The following GLYATL1 variants were observed in gnomAD, a reference collection of about 807,000 sequenced individuals.
The protein encoded by GLYATL1 is glycine-N-acyltransferase like 1.
Under a neutral mutation model 20.0 loss-of-function variants are expected in GLYATL1, and 15 were observed. The observed-to-expected ratio is 0.75, with a 90% CI of 0.50 to 1.15. The LOEUF (loss-of-function observed/expected upper bound fraction) is 1.15. Ranked by LOEUF, GLYATL1 falls within the 50% of genes most tolerant of loss-of-function variation. GLYATL1 has a pLI of 0.00. For missense variants in GLYATL1, 380 were observed against 368.5 expected (o/e 1.03, Z -0.26); for synonymous variants, 151 against 131.5 (o/e 1.15, Z -1.01).
intron 1 of GLYATL1, among the ~76,000 whole-genome samples, chr11:58,942,231 C>A (rs944762583): frequency 6.6e-5 from 10 of 152,200 alleles, no homozygotes; most frequent in Admixed American, 2.6e-4. Flanking sequence ...GAACTGCAAG[C>A]AAACCTGTCT....
At chr11:58,908,492 A>G (rs1854963673) in exon 2 of GLYATL1, 1 of 210,338 alleles carries the variant, frequency 4.8e-6, no homozygotes, top group Non-Finnish European at 1.1e-5. Context: ...ACTGAAGGGA[A>G]CAAGTCATTT....
At chr11:58,934,120 T>C (rs1425525498) in intron 1 of GLYATL1, 1 of 153,190 alleles carries the variant, frequency 6.5e-6, no homozygotes, top group Non-Finnish European at 1.5e-5. Context: ...CTGAGTCTGC[T>C]GGGATAAGCC....
chr11:58,947,917 G>T lies in GLYATL1; in HGVS notation c.138G>T (p.Val46=). The change falls in exon 4 of 7, where the codon GTG becomes GTT. Residue 46 remains valine (V), a synonymous_variant. Coordinates refer to ENST00000532726, the MANE Select transcript of GLYATL1 (RefSeq NM_001389712.2). ...ACCCCTTCAACATGGAGGTGCTGGTGGATTCCTGGCCTGAATATCAGATGG... is the reference window on the plus strand; with the variant it reads ...ACCCCTTCAACATGGAGGTGCTGGTTGATTCCTGGCCTGAATATCAGATGG... The part of the protein sequence containing the change: ...HGNPFNMEVL[V]DSWPEYQMVI... 1 of 1,614,046 alleles carries T rather than the reference G, an allele frequency of 6.2e-7. No individual in the cohort carries two copies.
intron 3 of GLYATL1, 50 bp downstream of exon 3, chr11:58,947,215 G>T: frequency 6.3e-7 from 1 of 1,584,418 alleles, no homozygotes; most frequent in Non-Finnish European, 8.6e-7. Context: ...TGTTGAGGAT[G>T]AGAAAATAGC....
At chr11:58,914,679 A>T (rs1428940762) in intron 1 of GLYATL1, among the ~76,000 whole-genome samples, 1 of 152,036 alleles carries the variant, frequency 6.6e-6, no homozygotes, top group South Asian at 2.1e-4. Context: ...GATAGGATTA[A>T]CTCCCTTGAA....
At chr11:58,917,664 C>G (rs140720067) in intron 1 of GLYATL1, among the ~76,000 whole-genome samples, 2 of 152,204 alleles carry the variant, frequency 1.3e-5, no homozygotes, top group South Asian at 2.1e-4. Context: ...CCTGCCTACT[C>G]AGGCATCTCA....
intron 2 of GLYATL1, among the ~76,000 whole-genome samples, chr11:58,945,296 G>T (rs1296553231): frequency 4.6e-5 from 7 of 152,096 alleles, no homozygotes; most frequent in African/African-American, 1.2e-4. Context: ...GCAGCTTCCT[G>T]ATTTAGAAAA....
intron 2 of GLYATL1, among the ~76,000 whole-genome samples, chr11:58,946,617 TC>T (rs1434541744): frequency 1.3e-5 from 2 of 152,234 alleles, no homozygotes; most frequent in African/African-American, 4.8e-5. Context: ...CTATGCCTAC[TC>T]CTGCTCCAAG....
chr11:58,955,060 CTG>C, intron 5 of GLYATL1, 114 bp from the exon 6 acceptor site: 1 of 1,228,438 alleles, frequency 8.1e-7, no homozygotes, highest in South Asian at 1.5e-5. Context: ...CTCCATCTGA[CTG>C]TGGTGTAAAC....
At chr11:58,922,905 CCTAT>C (rs1486844472), upstream of GLYATL1, among the ~76,000 whole-genome samples, 1 of 152,156 alleles carries the variant, frequency 6.6e-6, no homozygotes, top group Non-Finnish European at 1.5e-5. Flanking sequence ...CAATTGTTTC[CCTAT>C]CTATAGTGCC....
intron 1 of GLYATL1, among the ~76,000 whole-genome samples, chr11:58,920,611 G>A (rs1218641512): frequency 2.0e-5 from 3 of 152,148 alleles, no homozygotes; most frequent in Non-Finnish European, 4.4e-5. Context: ...ATCCACACAG[G>A]ACTAAAGGGG....
chr11:58,912,453 C>A (rs149215816), downstream of GLYATL1, among the ~76,000 whole-genome samples: 1 of 152,156 alleles, frequency 6.6e-6, no homozygotes, highest in African/African-American at 2.4e-5. Flanking sequence ...CCCTTGCTTC[C>A]TCCACACTCC....
intron 4 of GLYATL1, among the ~76,000 whole-genome samples, chr11:58,949,949 C>T (rs952083212): frequency 4.3e-5 from 3 of 69,708 alleles, no homozygotes; most frequent in Non-Finnish European, 1.2e-4. Context: ...TAACCTCTTA[C>T]CTCCCCTCCC....
At chr11:58,924,162 T>G (rs1855370713), upstream of GLYATL1, among the ~76,000 whole-genome samples, 1 of 152,220 alleles carries the variant, frequency 6.6e-6, no homozygotes, top group Non-Finnish European at 1.5e-5. Context: ...GGCATTTATT[T>G]TGTATAGAAT....
chr11:58,917,849 G>A (rs968086841), intron 1 of GLYATL1, among the ~76,000 whole-genome samples: 5 of 152,188 alleles, frequency 3.3e-5, no homozygotes, highest in African/African-American at 1.2e-4. Flanking sequence ...TTTCAGTCCT[G>A]GCTTCTTAGA....
At chr11:58,919,307 C>A (rs505113) in intron 1 of GLYATL1, among the ~76,000 whole-genome samples, 23,640 of 152,196 alleles carry the variant, frequency 0.16, 2,405 homozygotes, top group Non-Finnish European at 0.22. Flanking sequence ...TTGGCGTGGG[C>A]ACACCTGACT....
rs1856617200 is a variant in GLYATL1 at position 58,947,058 on chromosome 11, A to G, written c.-30A>G. The stretch of plus-strand genomic sequence containing the variant: ...CTTATCTTTTCAGAGTTTCTTCTTC[A>G]AGGTCTCAAGGTCTGAAGCATCCCA... On this transcript the variant is annotated 5_prime_UTR_variant, in exon 3 of 7. Transcript: ENST00000532726. The G allele has an allele frequency of 1.9e-6, 3 of 1,612,262 alleles. No individual in the cohort carries two copies. Among genetic ancestry groups the G allele is most frequent in the Non-Finnish European group, 2.5e-6 (3 of 1,178,338 alleles).
chr11:58,940,355 A>G (rs933512751), intron 1 of GLYATL1, among the ~76,000 whole-genome samples: 2 of 152,244 alleles, frequency 1.3e-5, no homozygotes, highest in Admixed American at 6.5e-5. Flanking sequence ...CCATGTGAAC[A>G]TGTTTGCAGA....
At chr11:58,922,049 C>A (rs1855321228) in intron 1 of GLYATL1, among the ~76,000 whole-genome samples, 1 of 152,196 alleles carries the variant, frequency 6.6e-6, no homozygotes, top group Admixed American at 6.5e-5. Context: ...TTAACCCTTG[C>A]AGGATTGTCT....
Sources: gnomAD v4.1 joint callset for allele counts (sites outside exome capture counted in the v4.1 genomes callset) on GRCh38, gnomAD v4.1.1 for gene constraint, MANE v1.5 for transcripts, NCBI Gene and HGNC (gene_info 2026-07-23, HGNC 2026-07-21) for gene names.